Variants in ATP10B observed in about 807,000 individuals in gnomAD.
The protein encoded by ATP10B is phospholipid-transporting ATPase VB.
A neutral mutation model predicts 141.2 loss-of-function variants in ATP10B; 122 were observed. The ratio of observed to expected loss-of-function variants is 0.86; its 90% confidence interval spans 0.75 to 1.00. The LOEUF is 1.00. Among genes scored for constraint, ATP10B ranks in the 50% least tolerant of loss-of-function variants. The pLI is 0.00. For missense variants in ATP10B, 1,876 were observed against 1,825.3 expected, an observed-to-expected ratio of 1.03 and a Z score of -0.51; for synonymous variants, 685 against 692.0, an observed-to-expected ratio of 0.99 and a Z score of 0.16.
chr5:160,867,125 T>G, the ATP10B span, among the ~76,000 whole-genome samples: 2 of 152,068 alleles, frequency 1.3e-5, no homozygotes, highest in African/African-American at 4.8e-5. Flanking sequence ...ATTCAGAAAG[T>G]TATTATGAAA....
At chr5:160,889,420 T>G in the ATP10B span, among the ~76,000 whole-genome samples, 5 of 152,148 alleles carry the variant, frequency 3.3e-5, no homozygotes, top group Admixed American at 3.3e-4. Context: ...AAGGAGTTGC[T>G]CAAAACCTAA....
At position 160,665,533 on chromosome 5, in the gene ATP10B, G is replaced by A. The variant is rs139123853; in HGVS notation, c.675+4930C>T. 6.6e-4 allele frequency among the ~76,000 whole-genome samples: 101 copies of A among 152,322 alleles called. 1 individual carries two copies. Among genetic ancestry groups the A allele is most frequent in the African/African-American group, 2.4e-3 (98 of 41,578 alleles). On this transcript the variant is annotated intron_variant, in intron 7 of 25. Transcript: ENST00000327245. ...ATTGACTCCAGGCTTTCTCAGAGAC[G>A]TTAATATGTTAATGAACATTGGAAC...
intron 24 of ATP10B, among the ~76,000 whole-genome samples, chr5:160,585,975 TTTTAC>T (rs1755866101): frequency 2.0e-5 from 3 of 149,398 alleles, no homozygotes; most frequent in Non-Finnish European, 2.9e-5. Context: ...AAAATTTTTA[TTTTAC>T]TTTAAGTTCC....
chr5:160,914,458 T>A, the ATP10B span, among the ~76,000 whole-genome samples: 36 of 152,366 alleles, frequency 2.4e-4, no homozygotes, highest in African/African-American at 7.7e-4. Context: ...GAATATAACC[T>A]ATCTATATCC....
chr5:160,627,258 C>T (rs892473121), intron 13 of ATP10B, among the ~76,000 whole-genome samples: 1 of 152,186 alleles, frequency 6.6e-6, no homozygotes, highest in Admixed American at 6.5e-5. Flanking sequence ...TCCTATAGCA[C>T]CTCTGCAACC....
At chr5:160,907,277 C>A in the ATP10B span, among the ~76,000 whole-genome samples, 1 of 150,624 alleles carries the variant, frequency 6.6e-6, no homozygotes, top group South Asian at 2.2e-4. Context: ...AGCCAAGGAA[C>A]CCTAGTTGAT....
At chr5:160,858,343 T>C in the ATP10B span, among the ~76,000 whole-genome samples, 1 of 152,052 alleles carries the variant, frequency 6.6e-6, no homozygotes, top group Admixed American at 6.6e-5. Context: ...TTATTTTTAA[T>C]CTGCTTATAT....
At chr5:160,641,301 C>T (rs1259798954) in intron 9 of ATP10B, among the ~76,000 whole-genome samples, 1 of 152,158 alleles carries the variant, frequency 6.6e-6, no homozygotes, top group African/African-American at 2.4e-5. Flanking sequence ...CCAGCAGTTT[C>T]CCTATTTGTT....
intron 2 of ATP10B, among the ~76,000 whole-genome samples, chr5:160,735,677 A>G (rs768904729): frequency 2.6e-5 from 4 of 152,170 alleles, no homozygotes; most frequent in Non-Finnish European, 5.9e-5. Flanking sequence ...ATTTCATCCA[A>G]TAACTACTGA....
At chr5:160,636,035 A>G in intron 11 of ATP10B, 147 bp downstream of exon 11, 1 of 953,612 alleles carries the variant, frequency 1.0e-6, no homozygotes, top group Non-Finnish European at 1.5e-6. Flanking sequence ...ATACTTTCAA[A>G]GACGCACAAG....
At chr5:160,675,990 G>A (rs559889035) in intron 6 of ATP10B, among the ~76,000 whole-genome samples, 3 of 152,308 alleles carry the variant, frequency 2.0e-5, no homozygotes, top group African/African-American at 7.2e-5. Flanking sequence ...ATTAGGGTGG[G>A]AGGACTGAGG....
At chr5:160,855,835 T>C (rs925368643), upstream of ATP10B, among the ~76,000 whole-genome samples, 1 of 151,856 alleles carries the variant, frequency 6.6e-6, no homozygotes, top group Non-Finnish European at 1.5e-5. Context: ...TAGAACCACT[T>C]GTTTTATGAC....
At chr5:160,620,269 GCTT>G (rs1274925712) in intron 15 of ATP10B, 75 bp downstream of exon 15, 4 of 1,507,932 alleles carry the variant, frequency 2.7e-6, no homozygotes, top group East Asian at 2.3e-5. Context: ...TACAACTTGA[GCTT>G]CTTATTACCA....
chr5:160,590,480 T>C (rs1756214400), intron 23 of ATP10B, among the ~76,000 whole-genome samples: 1 of 152,198 alleles, frequency 6.6e-6, no homozygotes, highest in African/African-American at 2.4e-5. Context: ...CATATATTGT[T>C]TGCTACCTAA....
At chr5:160,870,034 TA>T in the ATP10B span, among the ~76,000 whole-genome samples, 1 of 152,098 alleles carries the variant, frequency 6.6e-6, no homozygotes, top group African/African-American at 2.4e-5. Context: ...AACCAGGGCC[TA>T]AACTGTTGGA....
At chr5:160,566,033 C>G in intron 25 of ATP10B, 133 bp from the exon 26 acceptor site, 1 of 794,100 alleles carries the variant, frequency 1.3e-6, no homozygotes, top group Non-Finnish European at 2.0e-6. Context: ...AAATCCATGT[C>G]TGGGCACCTC....
At chr5:160,693,249 A>C (rs531912329) in intron 3 of ATP10B, among the ~76,000 whole-genome samples, 1 of 152,314 alleles carries the variant, frequency 6.6e-6, no homozygotes, top group East Asian at 1.9e-4. Context: ...CAAAATCTGA[A>C]TATAAACTAC....
intron 24 of ATP10B, among the ~76,000 whole-genome samples, chr5:160,570,760 AT>A (rs1754829097): frequency 6.6e-6 from 1 of 152,166 alleles, no homozygotes; most frequent in East Asian, 1.9e-4. Context: ...TTTTAAGTGC[AT>A]CCTGTAAAAT....
At chr5:160,648,954 G>T (rs1440239644) in intron 8 of ATP10B, among the ~76,000 whole-genome samples, 3 of 136,768 alleles carry the variant, frequency 2.2e-5, no homozygotes, top group South Asian at 2.3e-4. Flanking sequence ...AACAACATTG[G>T]TGAATTTAAC....
Sources: gnomAD v4.1 joint callset for allele counts (sites outside exome capture counted in the v4.1 genomes callset) on GRCh38, gnomAD v4.1.1 for gene constraint, MANE v1.5 for transcripts, NCBI Gene and HGNC (gene_info 2026-07-23, HGNC 2026-07-21) for gene names.